PCDH9: variants seen among roughly 807,000 people sequenced by gnomAD.
The protein encoded by PCDH9 is protocadherin-9.
In PCDH9, 24 loss-of-function variants were observed where a neutral mutation model predicts 70.6. That is an observed-to-expected ratio of 0.34 (90% CI 0.25 to 0.48). The LOEUF (loss-of-function observed/expected upper bound fraction) is 0.48, where lower values mean the gene tolerates loss of function less well. Among genes scored for constraint, PCDH9 ranks in the 20% least tolerant of loss-of-function variants. The pLI is 0.99. For missense variants in PCDH9, 1,281 were observed against 1,503.6 expected (o/e 0.85, Z 2.45); for synonymous variants, 562 against 558.5 (o/e 1.01, Z -0.09).
chr13:67,145,058 T>C (rs1473014714), intron 2 of PCDH9, among the ~76,000 whole-genome samples: 2 of 152,104 alleles, frequency 1.3e-5, no homozygotes, highest in Non-Finnish European at 2.9e-5. Context: ...CCTGTCATCA[T>C]TAGTATTTGA....
chr13:67,011,822 T>C (rs2084456855), intron 2 of PCDH9, among the ~76,000 whole-genome samples: 1 of 151,942 alleles, frequency 6.6e-6, no homozygotes, highest in African/African-American at 2.4e-5. Context: ...TTTAGATCAC[T>C]TGTTCCTTGA....
intron 4 of PCDH9, among the ~76,000 whole-genome samples, chr13:66,607,890 T>G (rs2077241311): frequency 6.6e-6 from 1 of 152,006 alleles, no homozygotes; most frequent in Admixed American, 6.5e-5. Flanking sequence ...TATAATCATC[T>G]CTTCCATAGA....
At chr13:66,471,628 T>G (rs559278237) in intron 4 of PCDH9, among the ~76,000 whole-genome samples, 1 of 152,330 alleles carries the variant, frequency 6.6e-6, no homozygotes, top group Non-Finnish European at 1.5e-5. Flanking sequence ...TAATCATTAA[T>G]AATGGGACTT....
At chr13:66,539,366 A>C (rs1955293592) in intron 4 of PCDH9, among the ~76,000 whole-genome samples, 1 of 152,094 alleles carries the variant, frequency 6.6e-6, no homozygotes, top group Non-Finnish European at 1.5e-5. Context: ...GACTCGGAAG[A>C]AAGTAATTGA....
At chr13:66,356,019 AATAAG>A (rs1956376802) in intron 4 of PCDH9, among the ~76,000 whole-genome samples, 1 of 152,158 alleles carries the variant, frequency 6.6e-6, no homozygotes, top group African/African-American at 2.4e-5. Flanking sequence ...AAAATTATTA[AATAAG>A]ATAACTAAAA....
intron 4 of PCDH9, among the ~76,000 whole-genome samples, chr13:66,557,321 A>C (rs1961779656): frequency 6.6e-6 from 1 of 152,212 alleles, no homozygotes; most frequent in Admixed American, 6.5e-5. Context: ...GATTAATTCA[A>C]ATAGAGATCT....
At chr13:66,546,363 A>G (rs1230781154) in intron 4 of PCDH9, among the ~76,000 whole-genome samples, 2 of 152,062 alleles carry the variant, frequency 1.3e-5, no homozygotes, top group African/African-American at 4.8e-5. Flanking sequence ...GCCTAGGCTA[A>G]TGTGTGTGTT....
chr13:66,981,000 C>A (rs757997568), intron 2 of PCDH9, among the ~76,000 whole-genome samples: 10 of 151,766 alleles, frequency 6.6e-5, no homozygotes, highest in Non-Finnish European at 1.5e-4. Flanking sequence ...TTAAAGTAAG[C>A]GCCATGTGTT....
intron 2 of PCDH9, among the ~76,000 whole-genome samples, chr13:66,961,751 T>C (rs2083349644): frequency 6.6e-6 from 1 of 152,156 alleles, no homozygotes; most frequent in Non-Finnish European, 1.5e-5. Context: ...GATGATAAAC[T>C]TTGATTATAA....
intron 2 of PCDH9, among the ~76,000 whole-genome samples, chr13:67,005,386 C>T (rs759495820): frequency 2.6e-5 from 4 of 152,108 alleles, no homozygotes; most frequent in Non-Finnish European, 5.9e-5. Flanking sequence ...TAGCAACTTA[C>T]TATATAAAAA....
At chr13:66,842,113 A>T (rs1047221195) in intron 3 of PCDH9, among the ~76,000 whole-genome samples, 4 of 152,166 alleles carry the variant, frequency 2.6e-5, no homozygotes, top group Admixed American at 2.0e-4. Context: ...ACAATATGAT[A>T]CTTTACTAAC....
intron 3 of PCDH9, among the ~76,000 whole-genome samples, chr13:66,816,416 A>G (rs1472358492): frequency 6.6e-6 from 1 of 152,158 alleles, no homozygotes; most frequent in Non-Finnish European, 1.5e-5. Flanking sequence ...GAATATGGGT[A>G]CGCACACAAG....
chr13:67,059,566 G>T (rs1043185731), intron 2 of PCDH9, among the ~76,000 whole-genome samples: 25 of 151,482 alleles, frequency 1.7e-4, no homozygotes, highest in African/African-American at 5.8e-4. Context: ...ACAAGAAGAA[G>T]TATAGTCATG....
chr13:66,860,830 C>T (rs1015732145), intron 3 of PCDH9, among the ~76,000 whole-genome samples: 2 of 152,166 alleles, frequency 1.3e-5, no homozygotes, highest in Non-Finnish European at 2.9e-5. Flanking sequence ...AGCAGTTTGG[C>T]ATTTCCAGGG....
intron 2 of PCDH9, among the ~76,000 whole-genome samples, chr13:67,147,870 C>T (rs1351780549): frequency 6.6e-6 from 1 of 152,156 alleles, no homozygotes; most frequent in East Asian, 1.9e-4. Flanking sequence ...ACTGTCAAAG[C>T]ATTCCATCCT....
chr13:66,745,329 C>A (rs182785531), intron 3 of PCDH9, among the ~76,000 whole-genome samples: 29 of 152,238 alleles, frequency 1.9e-4, no homozygotes, highest in Non-Finnish European at 3.8e-4. Context: ...TACACAGTTT[C>A]CTTCTTGAGT....
chr13:66,355,231 A>T (rs1445054892), intron 4 of PCDH9, among the ~76,000 whole-genome samples: 9 of 151,892 alleles, frequency 5.9e-5, no homozygotes, highest in Admixed American at 3.9e-4. Context: ...GGTCCTGTTT[A>T]TTCACAGATT....
intron 4 of PCDH9, among the ~76,000 whole-genome samples, chr13:66,384,758 G>A (rs919178282): frequency 1.2e-4 from 19 of 152,150 alleles, no homozygotes; most frequent in African/African-American, 4.1e-4. Flanking sequence ...TCCACCTCTC[G>A]GGCACCGGTG....
At chr13:66,578,555 G>A (rs981895881) in intron 4 of PCDH9, among the ~76,000 whole-genome samples, 2 of 151,958 alleles carry the variant, frequency 1.3e-5, no homozygotes, top group African/African-American at 4.8e-5. Flanking sequence ...GCTTATGATA[G>A]CAACTTCTAA....
Sources: allele counts gnomAD v4.1 joint callset (sites outside exome capture counted in the v4.1 genomes callset), GRCh38; gene constraint gnomAD v4.1.1; transcripts MANE v1.5; gene names NCBI Gene and HGNC (gene_info 2026-07-23, HGNC 2026-07-21).